Variants in POU6F2 observed in about 807,000 individuals in gnomAD.
The protein encoded by POU6F2 is POU domain, class 6, transcription factor 2.
POU6F2 carries 31 observed loss-of-function variants against 71.3 expected under a neutral mutation model. The observed-to-expected ratio is 0.43, with a 90% CI of 0.33 to 0.59. The LOEUF (loss-of-function observed/expected upper bound fraction) is 0.59. Among genes scored for constraint, POU6F2 ranks in the 20% least tolerant of loss-of-function variants. The pLI, the probability that POU6F2 is intolerant of heterozygous loss-of-function variation, is 0.04. For missense variants in POU6F2, 783 were observed against 856.8 expected (o/e 0.91, Z 1.07); for synonymous variants, 347 against 355.7 (o/e 0.98, Z 0.27).
At chr7:39,062,501 T>C (rs1790678276) in intron 1 of POU6F2, among the ~76,000 whole-genome samples, 1 of 151,182 alleles carries the variant, frequency 6.6e-6, no homozygotes, top group Admixed American at 6.6e-5. Flanking sequence ...AGAAGGCAAT[T>C]GCCCATTCCA....
At chr7:39,286,664 T>C (rs988012871) in intron 4 of POU6F2, among the ~76,000 whole-genome samples, 1 of 152,214 alleles carries the variant, frequency 6.6e-6, no homozygotes, top group Admixed American at 6.5e-5. Flanking sequence ...TTTCATTCCT[T>C]GGCCCTATTA....
intron 1 of POU6F2, among the ~76,000 whole-genome samples, chr7:39,059,503 T>TAAAA (rs11407203): frequency 7.2e-6 from 1 of 138,112 alleles, no homozygotes; most frequent in Non-Finnish European, 1.6e-5. Context: ...TGTCTGTAAT[T>TAAAA]AAAAAAAAAA....
chr7:39,452,537 T>TA (rs1443130147), intron 8 of POU6F2, among the ~76,000 whole-genome samples: 3 of 152,190 alleles, frequency 2.0e-5, no homozygotes, highest in Non-Finnish European at 4.4e-5. Flanking sequence ...TGCCATAAAA[T>TA]GAGGACATGT....
chr7:39,280,770 G>A lies in POU6F2; in HGVS notation c.599-58872G>A, dbSNP rs117647552. Among the ~76,000 whole-genome samples the A allele has an allele frequency of 3.9e-5, 6 of 152,284 alleles. No homozygotes were observed. In the South Asian group the frequency reaches 6.2e-4, roughly 16 times the overall value. ...CCAAGAGAAAATAAGTTAACATAGC[G>A]ATTGCTTTGGGATTTCACTAAACTG... On this transcript the variant is annotated intron_variant, in intron 4 of 9. Transcript: ENST00000518318.
chr7:39,034,362 T>C (rs1790011406), intron 1 of POU6F2: 1 of 256,060 alleles, frequency 3.9e-6, no homozygotes, highest in South Asian at 3.7e-5. Context: ...AGTGTGTATG[T>C]GTTTGCATGC....
At chr7:39,403,980 C>T (rs1043789667) in intron 5 of POU6F2, among the ~76,000 whole-genome samples, 2 of 152,190 alleles carry the variant, frequency 1.3e-5, no homozygotes, top group African/African-American at 4.8e-5. Flanking sequence ...AGAACCCAGA[C>T]AACTTCCACA....
At chr7:39,446,013 C>T (rs1484576859) in intron 7 of POU6F2, among the ~76,000 whole-genome samples, 1 of 152,190 alleles carries the variant, frequency 6.6e-6, no homozygotes, top group East Asian at 1.9e-4. Flanking sequence ...AGGGTAGAGC[C>T]CAGTGATCTG....
chr7:39,218,615 G>C (rs946326554), intron 4 of POU6F2, among the ~76,000 whole-genome samples: 46 of 152,084 alleles, frequency 3.0e-4, no homozygotes, highest in Admixed American at 2.1e-3. Flanking sequence ...TCTGCTATTT[G>C]CCAGGCACTA....
intron 2 of POU6F2, among the ~76,000 whole-genome samples, chr7:39,104,518 G>T (rs1791636644): frequency 6.6e-6 from 1 of 152,184 alleles, no homozygotes; most frequent in Non-Finnish European, 1.5e-5. Context: ...ACAATATGGT[G>T]GCTGGGTTCC....
chr7:39,219,557 A>C (rs1794308993), intron 4 of POU6F2, among the ~76,000 whole-genome samples: 1 of 152,150 alleles, frequency 6.6e-6, no homozygotes, highest in Non-Finnish European at 1.5e-5. Flanking sequence ...GGTTTAAATA[A>C]CACAGTTTTA....
chr7:39,008,589 C>T lies in POU6F2; in HGVS notation c.105+30531C>T, dbSNP rs201554967. On this transcript the variant is annotated intron_variant, in intron 1 of 9. Coordinates refer to ENST00000518318, the MANE Select transcript of POU6F2 (RefSeq NM_001370959.1). Reference sequence around the variant, plus strand: ...TGCTTTTGGTGTTTTAGACATGAAGCCCTTGCCCATGCCTATGTCCTGAAT... The same window carrying T: ...TGCTTTTGGTGTTTTAGACATGAAGTCCTTGCCCATGCCTATGTCCTGAAT... Among the ~76,000 whole-genome samples the T allele has an allele frequency of 4.4e-3, 657 of 150,596 alleles. 3 individuals are homozygous for T. Among genetic ancestry groups the T allele is most frequent in the South Asian group, 0.024 (111 of 4,668 alleles).
At chr7:39,173,169 C>T (rs1389359120) in intron 2 of POU6F2, among the ~76,000 whole-genome samples, 1 of 152,108 alleles carries the variant, frequency 6.6e-6, no homozygotes, top group Non-Finnish European at 1.5e-5. Flanking sequence ...AGAAATGGAC[C>T]TACGCATTCT....
chr7:38,988,137 A>G (rs1313984896), intron 1 of POU6F2, among the ~76,000 whole-genome samples: 1 of 152,068 alleles, frequency 6.6e-6, no homozygotes, highest in African/African-American at 2.4e-5. Flanking sequence ...TGGCTCAGAG[A>G]GGTTATGTGT....
intron 2 of POU6F2, among the ~76,000 whole-genome samples, chr7:39,170,180 T>C (rs116471031): frequency 0.011 from 1,728 of 152,218 alleles, 36 homozygotes; most frequent in African/African-American, 0.039. Flanking sequence ...AAAATAATAA[T>C]AATAAAAAAA....
chr7:39,365,742 C>A (rs148632936), intron 5 of POU6F2, among the ~76,000 whole-genome samples: 24 of 152,184 alleles, frequency 1.6e-4, no homozygotes, highest in Non-Finnish European at 2.9e-4. Flanking sequence ...GAATAAGAAG[C>A]CAGGTCAATG....
chr7:39,459,452 G>GGTTTTGTTTT lies in POU6F2; in HGVS notation c.1490-1060_1490-1051dup, dbSNP rs141262587. ...GGCGTGCAAATGTTCTGGTTTTGTG[G>GGTTTTGTTTT]GTTTTGTTTTGTTTTGTTTTGTTTT... On this transcript the variant is annotated intron_variant, in intron 8 of 9. Transcript: ENST00000518318. 2.7e-3 allele frequency among the ~76,000 whole-genome samples: 404 copies of GGTTTTGTTTT among 149,044 alleles called. 3 individuals are homozygous for GGTTTTGTTTT. The highest frequency in any genetic ancestry group is 8.5e-3 in the African/African-American group (341 of 40,182).
At chr7:39,049,880 C>T (rs1790370012) in intron 1 of POU6F2, among the ~76,000 whole-genome samples, 1 of 151,850 alleles carries the variant, frequency 6.6e-6, no homozygotes, top group Non-Finnish European at 1.5e-5. Flanking sequence ...ATGTTGTTAT[C>T]TGCTAAATTT....
chr7:39,408,115 G>A (rs1427558159), intron 6 of POU6F2, among the ~76,000 whole-genome samples: 1 of 152,200 alleles, frequency 6.6e-6, no homozygotes, highest in African/African-American at 2.4e-5. Flanking sequence ...GGAAAAGTTG[G>A]TTTTAATGTC....
Position 39,464,903 on chromosome 7 carries a change from A to G in POU6F2, c.*217A>G. 1 of 641,862 alleles carries G rather than the reference A, an allele frequency of 1.6e-6. No individual in the cohort carries two copies. Among genetic ancestry groups the G allele is most frequent in the Non-Finnish European group, 2.5e-6 (1 of 393,072 alleles). The allele number at this position is 641,862 out of a possible 1,614,324, so 39.8% of individuals were successfully genotyped here. On this transcript the variant is annotated 3_prime_UTR_variant, in exon 10 of 10. Transcript: ENST00000518318. This position sits in a 1 kb window ranked among gnomAD's most constrained non-coding sequence, Gnocchi z 4.1. Reference sequence around the variant, plus strand: ...AAAAGGAAAGAAGAAAATTTTTAGAAAATTTTTAAACAAGGAATACACCAC... The same window carrying G: ...AAAAGGAAAGAAGAAAATTTTTAGAGAATTTTTAAACAAGGAATACACCAC...
Sources: allele counts gnomAD v4.1 joint callset (sites outside exome capture counted in the v4.1 genomes callset), GRCh38; gene constraint gnomAD v4.1.1; non-coding constraint Gnocchi (gnomAD v3.1); transcripts MANE v1.5; gene names NCBI Gene and HGNC (gene_info 2026-07-23, HGNC 2026-07-21).